DRC3: variants seen among roughly 807,000 people sequenced by gnomAD.
DRC3 encodes the protein leucine rich repeat containing 48.
Under a neutral mutation model 57.6 loss-of-function variants are expected in DRC3, and 45 were observed. The ratio of observed to expected loss-of-function variants is 0.78; its 90% CI spans 0.62 to 1.00. The LOEUF (loss-of-function observed/expected upper bound fraction) is 1.00. DRC3 is among the 50% of genes least tolerant of loss of function. The pLI, the probability that DRC3 is intolerant of heterozygous loss-of-function variation, is 0.00. For missense variants in DRC3, 655 were observed against 675.2 expected (o/e 0.97, Z 0.33); for synonymous variants, 257 against 272.3 (o/e 0.94, Z 0.55).
At chr17:18,014,589 G>A (rs2044288479) in intron 12 of DRC3, among the ~76,000 whole-genome samples, 1 of 152,188 alleles carries the variant, frequency 6.6e-6, no homozygotes. Flanking sequence ...TTTCTAAGCA[G>A]ATTTCAGTTT....
intron 5 of DRC3, among the ~76,000 whole-genome samples, chr17:17,991,283 GC>G (rs2043213839): frequency 1.7e-5 from 2 of 119,268 alleles, no homozygotes; most frequent in Admixed American, 9.4e-5. Flanking sequence ...ATGAAGTATT[GC>G]TTTTTTTTTT....
At chr17:18,002,674 C>T (rs1236274065) in intron 9 of DRC3, among the ~76,000 whole-genome samples, 1 of 152,162 alleles carries the variant, frequency 6.6e-6, no homozygotes, top group Non-Finnish European at 1.5e-5. Context: ...CTCCACTGTG[C>T]ACCAGGTGCT....
At chr17:17,986,688 C>T (rs2042974687) in intron 4 of DRC3, among the ~76,000 whole-genome samples, 1 of 152,006 alleles carries the variant, frequency 6.6e-6, no homozygotes, top group South Asian at 2.1e-4. Flanking sequence ...GTCTGGAACT[C>T]CTGACCCCCA....
chr17:18,007,043 C>T lies in DRC3; in HGVS notation c.1222C>T (p.Leu408=), dbSNP rs760422359. ...CTGCACGATGGCTCAGTGCCGGGAC[C>T]TGGAGAATCACCACCACGAGAAGCT... ...VQSLMAQCRD[L]ENHHHEKLLE... is the part of the protein sequence containing the mutation. The change falls in exon 12 of 14, where the codon CTG becomes TTG. Residue 408 remains leucine (L), a synonymous_variant. Transcript: ENST00000399187. 3.1e-6 allele frequency: 5 copies of T among 1,602,220 alleles called. No homozygotes were observed. The Admixed American group carries it at 8.4e-5, about 27-fold the overall frequency.
In DRC3 at chr17:18,016,638, G is replaced by A. The variant is rs773586652; in HGVS notation, c.1539G>A (p.Leu513=). 1.2e-5 allele frequency: 19 copies of A among 1,613,426 alleles called. No homozygotes were observed. The highest frequency in any genetic ancestry group is 1.4e-5 in the Non-Finnish European group (17 of 1,179,618). The change falls in exon 14 of 14, where the codon CTG becomes CTA. Residue 513 remains leucine (L), a synonymous_variant. Transcript: ENST00000399187. ...NQYIDHMQSE[L]DNLECGDILD ...ACATCGACCACATGCAGAGCGAACT[G>A]GACAACCTGGAATGTGGCGACATCC...
At chr17:17,980,704 C>T (rs1474653556) in intron 3 of DRC3, among the ~76,000 whole-genome samples, 2 of 150,388 alleles carry the variant, frequency 1.3e-5, no homozygotes, top group African/African-American at 2.5e-5. Context: ...AAGTGATTCT[C>T]TTGCCTCAGC....
rs1419939193 is a variant in DRC3, at chr17:17,988,002, G to A, written c.348G>A (p.Leu116=). The A allele has an allele frequency of 3.1e-6, 5 of 1,614,014 alleles. No homozygotes were observed. The East Asian group carries it at 6.7e-5, about 22-fold the overall frequency. The part of the protein sequence containing the change: ...DTLVNLEDLS[L]FNNRISKIDS... ...TGGTGAACCTGGAGGACCTGAGCTTGTTCAACAACCGGATCTCCAAGATCG... is the reference window on the plus strand; with the variant it reads ...TGGTGAACCTGGAGGACCTGAGCTTATTCAACAACCGGATCTCCAAGATCG... Residue 116 remains leucine, a synonymous_variant, in exon 5 of 14, where the codon TTG becomes TTA. Transcript: ENST00000399187.
At chr17:18,002,661 G>C (rs112331475) in intron 9 of DRC3, among the ~76,000 whole-genome samples, 1 of 152,210 alleles carries the variant, frequency 6.6e-6, no homozygotes, top group East Asian at 1.9e-4. Context: ...TCCGGTAGCC[G>C]AGCTCCACTG....
chr17:18,013,042 A>T (rs1171969998), intron 12 of DRC3, among the ~76,000 whole-genome samples: 2 of 152,200 alleles, frequency 1.3e-5, no homozygotes, highest in Non-Finnish European at 2.9e-5. Flanking sequence ...CAACAAATAC[A>T]TTAAAAACTT....
At chr17:17,977,931 C>T in intron 3 of DRC3, 173 bp downstream of exon 3, 1 of 579,514 alleles carries the variant, frequency 1.7e-6, no homozygotes, top group Non-Finnish European at 3.0e-6. Flanking sequence ...TGTAAAGCGT[C>T]ATACTTAGTG....
At chr17:17,979,227 A>T (rs1326948786) in intron 3 of DRC3, among the ~76,000 whole-genome samples, 2 of 152,196 alleles carry the variant, frequency 1.3e-5, no homozygotes, top group Non-Finnish European at 2.9e-5. Flanking sequence ...CTGCTGAGGA[A>T]GCCACTGTGG....
intron 5 of DRC3, chr17:17,988,524 C>G (rs2043071493): frequency 5.9e-6 from 1 of 168,268 alleles, no homozygotes; most frequent in Admixed American, 5.8e-5. Context: ...AACAATAAAA[C>G]AAGGCCTATG....
intron 9 of DRC3, 151 bp from the exon 10 acceptor site, chr17:18,004,212 C>T (rs781032816): frequency 4.1e-5 from 33 of 805,522 alleles, no homozygotes; most frequent in East Asian, 3.0e-4. Context: ...AGCTTCTACA[C>T]GCTTTCAGAG....
chr17:17,982,324 T>C (rs1337969201), intron 3 of DRC3, among the ~76,000 whole-genome samples: 1 of 151,428 alleles, frequency 6.6e-6, no homozygotes, highest in Non-Finnish European at 1.5e-5. Context: ...CACGCCATTC[T>C]CCTGCCTCAG....
chr17:18,007,467 G>A lies in DRC3; in HGVS notation c.1326+320G>A, dbSNP rs961757223. 12 of 1,551,192 alleles carry A rather than the reference G, an allele frequency of 7.7e-6. No individual in the cohort carries two copies. The Admixed American group carries it at 2.2e-4, about 28-fold the overall frequency. On this transcript the variant is annotated intron_variant, in intron 12 of 13. Transcript: ENST00000399187. ...CTAAGAGAAGCAGTTACAGGTAGAGGTTGAAGTCTGAGATTTCCCCTGGAG... is the reference window on the plus strand; with the variant it reads ...CTAAGAGAAGCAGTTACAGGTAGAGATTGAAGTCTGAGATTTCCCCTGGAG...
intron 12 of DRC3, among the ~76,000 whole-genome samples, chr17:18,010,472 C>A (rs2044129620): frequency 6.6e-6 from 1 of 152,148 alleles, no homozygotes; most frequent in South Asian, 2.1e-4. Flanking sequence ...GAAAAAAAAT[C>A]CTACAATTTA....
Position 17,983,886 on chromosome 17 carries a change from C to T in DRC3, c.219C>T (p.Asp73=). ...AGAACTTGAGGAAGCTGCAGCTGGA[C>T]AATAACATCATTGAGAAGATCGAGG... is the stretch of plus-strand genomic sequence containing the variant. ...QFENLRKLQL[D]NNIIEKIEGL... Residue 73 remains aspartate (D), a synonymous_variant, in exon 4 of 14, where the codon GAC becomes GAT. Transcript: ENST00000399187. 1 of 1,613,602 alleles carries T rather than the reference C, an allele frequency of 6.2e-7. No individual in the cohort carries two copies. The highest frequency in any genetic ancestry group is 8.5e-7 in the Non-Finnish European group (1 of 1,179,618).
At chr17:18,015,393 C>T (rs1311532102) in intron 12 of DRC3, 3 of 152,316 alleles carry the variant, frequency 2.0e-5, no homozygotes, top group African/African-American at 7.2e-5. Flanking sequence ...GTGGCCTTGC[C>T]CTGCTCTGGG....
intron 3 of DRC3, among the ~76,000 whole-genome samples, chr17:17,979,895 A>G (rs1178773090): frequency 6.6e-6 from 1 of 152,206 alleles, no homozygotes; most frequent in Non-Finnish European, 1.5e-5. Flanking sequence ...AGTCCCACCC[A>G]GCCCTGGGAA....
Sources: gnomAD v4.1 joint callset for allele counts (sites outside exome capture counted in the v4.1 genomes callset) on GRCh38, gnomAD v4.1.1 for gene constraint, MANE v1.5 for transcripts, NCBI Gene and HGNC (gene_info 2026-07-23, HGNC 2026-07-21) for gene names.